Variants in COL4A5 observed in about 807,000 individuals in gnomAD.
The protein encoded by COL4A5 is collagen type IV alpha 5 chain, also known as collagen alpha-5(IV) chain.
COL4A5 carries 26 observed loss-of-function variants against 130.2 expected under a neutral mutation model. The observed-to-expected ratio is 0.20, with a 90% CI of 0.15 to 0.28. COL4A5 has a LOEUF of 0.28. Among genes scored for constraint, COL4A5 ranks in the 10% least tolerant of loss-of-function variants. The pLI is 1.00. For missense variants in COL4A5, 1,131 were observed against 1,344.3 expected, an observed-to-expected ratio of 0.84 and a Z score of 2.48; for synonymous variants, 496 against 439.6, an observed-to-expected ratio of 1.13 and a Z score of -1.60.
At chrX:108,693,044 T>A (rs2068662515) in intron 50 of COL4A5, 119 bp downstream of exon 50, 7 of 818,447 alleles carry the variant, frequency 8.6e-6, no homozygotes, top group Non-Finnish European at 1.3e-5. Context: ...CAGAGGTACC[T>A]CTTAATATTC....
rs1028736164 is a variant in COL4A5 at position 108,480,894 on chromosome X, G to A, written c.81+40688G>A. On this transcript the variant is annotated intron_variant, in intron 1 of 52. Transcript: ENST00000328300. The stretch of plus-strand genomic sequence containing the variant: ...GCACTAATCTCTGCAATCTCTCCAC[G>A]GATACGATATTGTTGTTGACTTACT... Among the ~76,000 whole-genome samples the A allele has an allele frequency of 3.6e-5, 4 of 112,123 alleles. No homozygotes were observed. In the East Asian group the frequency reaches 8.4e-4, roughly 24 times the overall value.
rs1464288418 is a variant in COL4A5 at position 108,440,080 on chromosome X, G to A, written c.-46G>A. 4.8e-6 allele frequency: 5 copies of A among 1,043,792 alleles called. No homozygotes were observed. The African/African-American group carries it at 7.5e-5, about 16-fold the overall frequency. 86.0% of individuals were successfully genotyped at this position (1,043,792 alleles called of 1,213,427 possible). A position where few individuals can be genotyped will look rare whatever the true frequency, so the allele number is the denominator to read the frequency against. ...TTATGTCAATTGGTTAGAGCCAGCCGGGAATTTCGTGCGGGTGCTGAAGGA... is the reference window on the plus strand; with the variant it reads ...TTATGTCAATTGGTTAGAGCCAGCCAGGAATTTCGTGCGGGTGCTGAAGGA... On this transcript the variant is annotated 5_prime_UTR_variant, in exon 1 of 53. Transcript: ENST00000328300.
intron 16 of COL4A5, chrX:108,582,599 G>A (rs1203186515): frequency 6.3e-6 from 2 of 317,005 alleles, no homozygotes; most frequent in Admixed American, 5.2e-5. Context: ...GAGGTGGTGG[G>A]AATAGAGCAA....
chrX:108,489,248 G>A (rs2064974652), intron 1 of COL4A5, among the ~76,000 whole-genome samples: 1 of 111,478 alleles, frequency 9.0e-6, no homozygotes, highest in Non-Finnish European at 1.9e-5. Context: ...TTCATAAATG[G>A]CCCCGGACTC....
chrX:108,620,516 G>C, intron 31 of COL4A5, 90 bp downstream of exon 31: 2 of 751,802 alleles, frequency 2.7e-6, no homozygotes, highest in Non-Finnish European at 4.0e-6. Flanking sequence ...CACTTTTCTA[G>C]ATTGACGTGA....
At chrX:108,462,447 C>CT (rs1284815102) in intron 1 of COL4A5, 1 of 111,978 alleles carries the variant, frequency 8.9e-6, no homozygotes, top group African/African-American at 3.3e-5. Context: ...GGATCTCACT[C>CT]TATCACCCAG....
At chrX:108,471,495 C>T (rs1476385979) in intron 1 of COL4A5, among the ~76,000 whole-genome samples, 3 of 111,696 alleles carry the variant, frequency 2.7e-5, no homozygotes, top group Admixed American at 1.9e-4. Context: ...GATTTTGTAA[C>T]CTGAAACTTT....
chrX:108,532,045 C>G (rs1319672825), intron 1 of COL4A5, among the ~76,000 whole-genome samples: 1 of 111,422 alleles, frequency 9.0e-6, no homozygotes, highest in African/African-American at 3.3e-5. Flanking sequence ...TGAAACTATT[C>G]CAGAAAATCC....
rs16985514 is a variant in COL4A5, at chrX:108,539,534, C to T, written c.82-212C>T. ...TTTAAAATTATAAAAATTATGTTTG[C>T]TCATTTTGAAAAGTTAAGACAGAAG... On this transcript the variant is annotated intron_variant, in intron 1 of 52. Coordinates refer to ENST00000328300, the MANE Select transcript of COL4A5 (RefSeq NM_033380.3). 0.074 allele frequency among the ~76,000 whole-genome samples: 8,207 copies of T among 111,026 alleles called. 765 individuals are homozygous for T. Among genetic ancestry groups the T allele is most frequent in the African/African-American group, 0.25 (7,732 of 30,416 alleles).
At position 108,440,157 on chromosome X, in the gene COL4A5, G is replaced by T. The variant is rs769068931; in HGVS notation, c.32G>T (p.Gly11Val). The T allele has an allele frequency of 1.3e-4, 151 of 1,205,867 alleles. No homozygotes were observed. The highest frequency in any genetic ancestry group is 1.6e-4 in the Non-Finnish European group (144 of 893,935). MKLRGVSLAAGLFLLALSLWG... is the reference protein window; with the variant it reads MKLRGVSLAAVLFLLALSLWG... The stretch of plus-strand genomic sequence containing the variant: ...CTGCGTGGAGTCAGCCTGGCTGCCG[G>T]CTTGTTCTTACTGGCCCTGAGTCTT... The change falls in exon 1 of 53, where the codon GGC (glycine) becomes GTC (valine). Residue 11 changes from glycine to valine, a missense_variant. Gly to Val is a moderately radical substitution (Grantham distance 109, BLOSUM62 -3). Transcript: ENST00000328300.
intron 6 of COL4A5, among the ~76,000 whole-genome samples, chrX:108,570,937 G>C (rs1045331221): frequency 8.9e-6 from 1 of 112,038 alleles, no homozygotes; most frequent in African/African-American, 3.2e-5. Flanking sequence ...GCAATTGCTA[G>C]AACTATTGCT....
intron 36 of COL4A5, among the ~76,000 whole-genome samples, chrX:108,635,237 A>T (rs1470882909): frequency 1.8e-5 from 2 of 110,681 alleles, no homozygotes; most frequent in Non-Finnish European, 3.8e-5. Context: ...AAAAAATCCT[A>T]CTTTTTGTAG....
At chrX:108,568,381 C>T (rs752687337) in intron 4 of COL4A5, among the ~76,000 whole-genome samples, 21 of 111,661 alleles carry the variant, frequency 1.9e-4, no homozygotes, top group African/African-American at 6.2e-4. Context: ...TTGCCTGCTC[C>T]TAATAAGTGC....
chrX:108,566,694 GT>G (rs2065978470), intron 4 of COL4A5, among the ~76,000 whole-genome samples: 1 of 110,556 alleles, frequency 9.0e-6, no homozygotes, highest in Non-Finnish European at 1.9e-5. Flanking sequence ...GGCTACAGGC[GT>G]CCACCACAAC....
intron 36 of COL4A5, among the ~76,000 whole-genome samples, chrX:108,654,801 T>G (rs977229025): frequency 1.1e-4 from 12 of 112,251 alleles, no homozygotes; most frequent in Non-Finnish European, 3.8e-5. Context: ...AAAATCACCT[T>G]TTTCAGTAGA....
intron 36 of COL4A5, among the ~76,000 whole-genome samples, chrX:108,650,020 C>T (rs1008225189): frequency 5.4e-5 from 6 of 110,295 alleles, no homozygotes; most frequent in Non-Finnish European, 1.1e-4. Flanking sequence ...TGACGAAGGA[C>T]GAATATCCAG....
At chrX:108,654,319 C>T (rs1391118700) in intron 36 of COL4A5, among the ~76,000 whole-genome samples, 1 of 109,428 alleles carries the variant, frequency 9.1e-6, no homozygotes, top group Non-Finnish European at 1.9e-5. Flanking sequence ...CCAAAATAAA[C>T]TTTCAATGTA....
At chrX:108,545,353 C>A (rs2065629476) in intron 2 of COL4A5, among the ~76,000 whole-genome samples, 1 of 111,775 alleles carries the variant, frequency 8.9e-6, no homozygotes. Context: ...TTTCTGCCTT[C>A]ATTTCCTTAT....
chrX:108,560,516 G>A (rs1011964107), intron 3 of COL4A5, among the ~76,000 whole-genome samples: 4 of 112,936 alleles, frequency 3.5e-5, no homozygotes, highest in Non-Finnish European at 7.5e-5. Flanking sequence ...CTAATTGAGC[G>A]ATGCTCACAG....
Sources: gnomAD v4.1 joint callset for allele counts (sites outside exome capture counted in the v4.1 genomes callset) on GRCh38, gnomAD v4.1.1 for gene constraint, MANE v1.5 for transcripts, NCBI Gene and HGNC (gene_info 2026-07-23, HGNC 2026-07-21) for gene names.